The following DTNB variants were observed in gnomAD, a reference collection of about 807,000 sequenced individuals.
DTNB encodes the protein dystrobrevin beta, also known as DTN-B.
A neutral mutation model predicts 90.7 loss-of-function variants in DTNB; 63 were observed. The ratio of observed to expected loss-of-function variants is 0.69; its 90% CI spans 0.57 to 0.86. DTNB has a LOEUF of 0.86. Among genes scored for constraint, DTNB ranks in the 40% least tolerant of loss-of-function variants. The pLI is 0.00. For missense variants in DTNB, 744 were observed against 807.1 expected, an observed-to-expected ratio of 0.92 and a Z score of 0.95; for synonymous variants, 277 against 286.7, an observed-to-expected ratio of 0.97 and a Z score of 0.34.
chr2:25,492,152 T>C (rs775940989), intron 9 of DTNB, among the ~76,000 whole-genome samples: 2 of 152,206 alleles, frequency 1.3e-5, no homozygotes, highest in Admixed American at 1.3e-4. Context: ...GAAGATAAGA[T>C]AGTAATAGTT....
intron 12 of DTNB, among the ~76,000 whole-genome samples, chr2:25,449,191 T>C (rs1346482507): frequency 6.6e-6 from 1 of 152,230 alleles, no homozygotes; most frequent in Admixed American, 6.5e-5. Flanking sequence ...CCTTTTTGTG[T>C]TGAGACAATT....
intron 2 of DTNB, chr2:25,650,064 G>T (rs1376111295): frequency 2.4e-5 from 24 of 985,290 alleles, no homozygotes; most frequent in Non-Finnish European, 2.7e-5. Flanking sequence ...GTCAGAGGAT[G>T]ATAATTCATA....
chr2:25,533,364 G>T (rs894729017), intron 8 of DTNB, among the ~76,000 whole-genome samples: 13 of 152,094 alleles, frequency 8.5e-5, no homozygotes, highest in African/African-American at 3.1e-4. Flanking sequence ...GAAAAGTCTA[G>T]ATGTAACCTA....
intron 16 of DTNB, among the ~76,000 whole-genome samples, chr2:25,392,856 A>G (rs1188803208): frequency 6.6e-6 from 1 of 152,196 alleles, no homozygotes; most frequent in African/African-American, 2.4e-5. Context: ...CACTATTGCA[A>G]AAGATAGAAA....
At chr2:25,653,389 T>C (rs35786489) in intron 1 of DTNB, among the ~76,000 whole-genome samples, 71,430 of 147,842 alleles carry the variant, frequency 0.48, 18,125 homozygotes, top group East Asian at 0.79. Flanking sequence ...CTGAGGCCTC[T>C]TCAGCCATGT....
chr2:25,386,613 G>T (rs2039541436), intron 18 of DTNB, among the ~76,000 whole-genome samples: 1 of 152,194 alleles, frequency 6.6e-6, no homozygotes. Flanking sequence ...GAGGATACGT[G>T]AATGGCCTTT....
At chr2:25,599,919 G>T (rs192663926) in intron 5 of DTNB, among the ~76,000 whole-genome samples, 3 of 147,046 alleles carry the variant, frequency 2.0e-5, no homozygotes, top group Non-Finnish European at 4.5e-5. Flanking sequence ...CAAGATAGCA[G>T]GACCTTGTCT....
At position 25,576,220 on chromosome 2, in the gene DTNB, TG is replaced by T. The variant is rs764787515; in HGVS notation, c.876+617del. ...GGGGCGGAATCCCCTTGAACAGTTTTGTTTTTTTTTTTTTTTTTTTTTTGAG... is the reference window on the plus strand; with the variant it reads ...GGGGCGGAATCCCCTTGAACAGTTTTTTTTTTTTTTTTTTTTTTTTTTGAG... On this transcript the variant is annotated intron_variant, in intron 8 of 20. Transcript: ENST00000406818. Among the ~76,000 whole-genome samples, 651 of 145,936 alleles carry T rather than the reference TG, an allele frequency of 4.5e-3. 21 individuals carry two copies. The highest frequency in any genetic ancestry group is 0.016 in the African/African-American group (612 of 38,536).
intron 12 of DTNB, among the ~76,000 whole-genome samples, chr2:25,437,817 G>A (rs189861603): frequency 1.5e-3 from 224 of 152,312 alleles, no homozygotes; most frequent in African/African-American, 4.8e-3. Flanking sequence ...CCTACTATGT[G>A]CCAGGCACTG....
chr2:25,604,508 GTGAT>G (rs2066646906), intron 5 of DTNB, among the ~76,000 whole-genome samples: 2 of 152,046 alleles, frequency 1.3e-5, no homozygotes, highest in African/African-American at 4.8e-5. Context: ...CTAGCCTCAA[GTGAT>G]CCTCCTGGCT....
chr2:25,382,061 T>C (rs2037952001), intron 19 of DTNB, among the ~76,000 whole-genome samples: 1 of 152,266 alleles, frequency 6.6e-6, no homozygotes, highest in African/African-American at 2.4e-5. Context: ...ACCATGGGCA[T>C]TGGAGTTGAA....
intron 6 of DTNB, among the ~76,000 whole-genome samples, chr2:25,582,129 T>C (rs569676508): frequency 6.6e-6 from 1 of 152,348 alleles, no homozygotes; most frequent in East Asian, 1.9e-4. Flanking sequence ...ATAAAATTGG[T>C]TAGGGCTGAC....
In DTNB at chr2:25,454,745, A is replaced by G. The variant is rs2059754464; in HGVS notation, c.1169+660T>C. On this transcript the variant is annotated intron_variant, in intron 11 of 20. Transcript: ENST00000406818. ...ATCCCAAACCACTGAAGAATCAGAC[A>G]CATTCTCTTATTAACAGTGAGTCAC... 2.6e-5 allele frequency among the ~76,000 whole-genome samples: 4 copies of G among 152,232 alleles called. No individual in the cohort carries two copies. The South Asian group carries it at 8.3e-4, about 32-fold the overall frequency.
At chr2:25,533,095 G>A (rs1366970303) in intron 8 of DTNB, among the ~76,000 whole-genome samples, 1 of 152,108 alleles carries the variant, frequency 6.6e-6, no homozygotes, top group African/African-American at 2.4e-5. Flanking sequence ...AGGCAGAGGC[G>A]GGTGCATCTC....
intron 19 of DTNB, chr2:25,379,563 T>C (rs1011986043): frequency 2.4e-6 from 1 of 415,994 alleles, no homozygotes; most frequent in Admixed American, 4.4e-5. Flanking sequence ...AGGAAAGTCA[T>C]TAAAAAATGG....
chr2:25,523,129 A>T (rs951131971), intron 9 of DTNB, among the ~76,000 whole-genome samples: 3 of 152,200 alleles, frequency 2.0e-5, no homozygotes, highest in African/African-American at 7.2e-5. Context: ...ACCTTCAATT[A>T]AAAGGATCTC....
At chr2:25,672,037 G>A (rs2086037235) in intron 1 of DTNB, among the ~76,000 whole-genome samples, 3 of 151,884 alleles carry the variant, frequency 2.0e-5, no homozygotes, top group Non-Finnish European at 4.4e-5. Context: ...ATGGGAGAAG[G>A]AACAAAATGG....
intron 4 of DTNB, among the ~76,000 whole-genome samples, chr2:25,620,118 T>C (rs72852636): frequency 0.012 from 1,761 of 152,048 alleles, 35 homozygotes; most frequent in African/African-American, 0.041. Flanking sequence ...GGAGACTGGG[T>C]AATCCCAGAC....
intron 1 of DTNB, among the ~76,000 whole-genome samples, chr2:25,667,264 G>A (rs1029705820): frequency 1.3e-5 from 2 of 152,096 alleles, no homozygotes; most frequent in African/African-American, 2.4e-5. Context: ...TGTGGCAGGC[G>A]AATCACTTGA....
Sources: allele counts gnomAD v4.1 joint callset (sites outside exome capture counted in the v4.1 genomes callset), GRCh38; gene constraint gnomAD v4.1.1; transcripts MANE v1.5; gene names NCBI Gene and HGNC (gene_info 2026-07-23, HGNC 2026-07-21).